SLC44A1: variants seen among roughly 807,000 people sequenced by gnomAD.
SLC44A1 encodes the protein choline transporter-like protein 1.
In SLC44A1, 26 loss-of-function variants were observed where a neutral mutation model predicts 79.3. The ratio of observed to expected loss-of-function variants is 0.33; its 90% confidence interval spans 0.24 to 0.46. The LOEUF is 0.46. Ranked by LOEUF, SLC44A1 falls within the 20% of genes least tolerant of loss-of-function variation. The probability of loss-of-function intolerance (pLI) is 1.00; values close to 1 mark genes in which losing one functional copy is unlikely to be tolerated. For missense variants in SLC44A1, 688 were observed against 798.1 expected (o/e 0.86, Z 1.66); for synonymous variants, 263 against 286.2 (o/e 0.92, Z 0.82).
intron 8 of SLC44A1, among the ~76,000 whole-genome samples, chr9:105,362,037 T>A (rs1421677467): frequency 6.6e-6 from 1 of 151,916 alleles, no homozygotes; most frequent in Non-Finnish European, 1.5e-5. Context: ...AAAATATATA[T>A]GTGTGTTTGT....
At chr9:105,359,786 C>A (rs754428150) in intron 7 of SLC44A1, among the ~76,000 whole-genome samples, 1 of 152,138 alleles carries the variant, frequency 6.6e-6, no homozygotes, top group East Asian at 1.9e-4. Flanking sequence ...GAAACATTCC[C>A]TTGCTCTAAA....
intron 7 of SLC44A1, among the ~76,000 whole-genome samples, chr9:105,360,839 C>T (rs953523607): frequency 2.0e-5 from 3 of 152,188 alleles, no homozygotes; most frequent in African/African-American, 7.2e-5. Context: ...TTTCCTTCCT[C>T]CAGCCTCCTC....
chr9:105,266,170 G>A (rs963332583), intron 1 of SLC44A1, among the ~76,000 whole-genome samples: 27 of 151,908 alleles, frequency 1.8e-4, no homozygotes, highest in South Asian at 1.0e-3. Context: ...GTCTCACTAT[G>A]TGCCCAGGCT....
At chr9:105,434,655 A>G (rs918020908) in intron 15 of SLC44A1, among the ~76,000 whole-genome samples, 3 of 152,198 alleles carry the variant, frequency 2.0e-5, no homozygotes, top group African/African-American at 7.2e-5. Flanking sequence ...GATCTGACAC[A>G]AACAGAAGAT....
In SLC44A1 at chr9:105,389,766, C is replaced by A; in HGVS notation, c.*710C>A. The A allele has an allele frequency of 7.7e-7, 1 of 1,305,240 alleles. No individual in the cohort carries two copies. Among genetic ancestry groups the A allele is most frequent in the Non-Finnish European group, 9.8e-7 (1 of 1,021,562 alleles). 80.9% of individuals were successfully genotyped at this position (1,305,240 alleles called of 1,614,324 possible). On this transcript the variant is annotated 3_prime_UTR_variant, in exon 16 of 16. Transcript: ENST00000374720. ...AAAAGGGTAGATAATCTTTCGTATG[C>A]AAACTTTTCCCTTATATTTTGTCTT...
At chr9:105,326,933 T>C (rs1826596954) in intron 3 of SLC44A1, among the ~76,000 whole-genome samples, 1 of 152,248 alleles carries the variant, frequency 6.6e-6, no homozygotes, top group South Asian at 2.1e-4. Flanking sequence ...ACGTCATCCT[T>C]GTCCTTCGGT....
At chr9:105,330,793 G>T (rs1225253722) in intron 3 of SLC44A1, among the ~76,000 whole-genome samples, 1 of 152,072 alleles carries the variant, frequency 6.6e-6, no homozygotes, top group Non-Finnish European at 1.5e-5. Context: ...GATAATTTCT[G>T]GAAACCACCC....
chr9:105,376,765 G>A (rs1828304445), intron 13 of SLC44A1, among the ~76,000 whole-genome samples: 1 of 152,186 alleles, frequency 6.6e-6, no homozygotes, highest in Non-Finnish European at 1.5e-5. Flanking sequence ...AGTAAACTCT[G>A]ATTAAGATAC....
At chr9:105,275,069 T>C in intron 1 of SLC44A1, among the ~76,000 whole-genome samples, 1 of 152,252 alleles carries the variant, frequency 6.6e-6, no homozygotes, top group African/African-American at 2.4e-5. Flanking sequence ...TATTATGATT[T>C]CAAATTTAAT....
intron 10 of SLC44A1, 80 bp from the exon 11 acceptor site, chr9:105,365,403 G>C (rs554283843): frequency 9.2e-7 from 1 of 1,092,410 alleles, no homozygotes; most frequent in South Asian, 1.5e-5. Flanking sequence ...TTTTCACTGC[G>C]TTGGACTCTA....
At chr9:105,267,901 G>A (rs914153681) in intron 1 of SLC44A1, among the ~76,000 whole-genome samples, 10 of 152,030 alleles carry the variant, frequency 6.6e-5, no homozygotes, top group African/African-American at 2.2e-4. Flanking sequence ...GAAACACTAA[G>A]TGTCAGTATC....
At chr9:105,382,402 G>A (rs1828494918) in intron 13 of SLC44A1, among the ~76,000 whole-genome samples, 1 of 152,130 alleles carries the variant, frequency 6.6e-6, no homozygotes, top group South Asian at 2.1e-4. Flanking sequence ...CTTTTAGCAT[G>A]GATGTTTTTG....
intron 5 of SLC44A1, among the ~76,000 whole-genome samples, chr9:105,354,039 CTTTTT>C (rs556502972): frequency 9.1e-5 from 9 of 98,482 alleles, no homozygotes; most frequent in African/African-American, 4.0e-4. Flanking sequence ...ACAGTTAATC[CTTTTT>C]TTTTTTTTTT....
At position 105,349,564 on chromosome 9, in the gene SLC44A1, C is replaced by T. The variant is rs1024069636; in HGVS notation, c.500+1113C>T. On this transcript the variant is annotated intron_variant, in intron 5 of 15. Coordinates refer to ENST00000374720, the MANE Select transcript of SLC44A1 (RefSeq NM_080546.5). ...TTTAAAAGATAGTAAGAGAGACTTA[C>T]AAATTATGGCCTTAAACCAACAGCT... Among the ~76,000 whole-genome samples the T allele has an allele frequency of 3.9e-5, 6 of 152,182 alleles. No individual in the cohort carries two copies. In the South Asian group the frequency reaches 1.0e-3, roughly 26 times the overall value.
chr9:105,288,342 T>G (rs1490806137), intron 1 of SLC44A1, among the ~76,000 whole-genome samples: 1 of 152,158 alleles, frequency 6.6e-6, no homozygotes, highest in Non-Finnish European at 1.5e-5. Flanking sequence ...TTTAATGTTT[T>G]TTTTGTTTGT....
chr9:105,318,583 T>G (rs2131326552), intron 3 of SLC44A1, among the ~76,000 whole-genome samples: 1 of 152,350 alleles, frequency 6.6e-6, no homozygotes, highest in East Asian at 1.9e-4. Flanking sequence ...GAGATTTTTT[T>G]GTCATATTTT....
intron 15 of SLC44A1, among the ~76,000 whole-genome samples, chr9:105,420,680 G>A (rs1198836093): frequency 6.6e-6 from 1 of 151,876 alleles, no homozygotes; most frequent in African/African-American, 2.4e-5. Flanking sequence ...TGACCAACAG[G>A]CAGAAACCCC....
intron 13 of SLC44A1, among the ~76,000 whole-genome samples, chr9:105,381,994 C>A (rs1317071430): frequency 6.6e-6 from 1 of 152,000 alleles, no homozygotes; most frequent in African/African-American, 2.4e-5. Flanking sequence ...TTATACAAGA[C>A]AAAATAAAGA....
intron 12 of SLC44A1, among the ~76,000 whole-genome samples, chr9:105,369,332 G>T (rs75955139): frequency 7.2e-5 from 11 of 152,180 alleles, no homozygotes; most frequent in African/African-American, 2.7e-4. Flanking sequence ...GGTTTGTGCG[G>T]GCCTGTTTCC....
Sources: gnomAD v4.1 joint callset for allele counts (sites outside exome capture counted in the v4.1 genomes callset) on GRCh38, gnomAD v4.1.1 for gene constraint, MANE v1.5 for transcripts, NCBI Gene and HGNC (gene_info 2026-07-23, HGNC 2026-07-21) for gene names.